Variants in TNFRSF21 observed in about 807,000 individuals in gnomAD.
The protein encoded by TNFRSF21 is tumor necrosis factor receptor superfamily member 21.
TNFRSF21 carries 19 observed loss-of-function variants against 45.6 expected under a neutral mutation model. The ratio of observed to expected loss-of-function variants is 0.42; its 90% CI spans 0.29 to 0.61. The LOEUF (loss-of-function observed/expected upper bound fraction) is 0.61. Among genes scored for constraint, TNFRSF21 ranks in the 20% least tolerant of loss-of-function variants. TNFRSF21 has a pLI of 0.23. For missense variants in TNFRSF21, 737 were observed against 851.5 expected (o/e 0.87, Z 1.67); for synonymous variants, 314 against 335.5 (o/e 0.94, Z 0.70).
chr6:47,287,193 G>A (rs999464231), intron 1 of TNFRSF21, among the ~76,000 whole-genome samples: 2 of 150,764 alleles, frequency 1.3e-5, no homozygotes, highest in Non-Finnish European at 2.9e-5. Context: ...TGTAATCCCA[G>A]CTACTCAGGA....
chr6:47,273,260 C>A (rs1242635007), intron 3 of TNFRSF21, among the ~76,000 whole-genome samples: 3 of 152,124 alleles, frequency 2.0e-5, no homozygotes, highest in Non-Finnish European at 4.4e-5. Flanking sequence ...ATGGGAAAAT[C>A]CTCAATAAAA....
At chr6:47,258,102 C>T (rs1313501236) in intron 3 of TNFRSF21, among the ~76,000 whole-genome samples, 2 of 152,074 alleles carry the variant, frequency 1.3e-5, no homozygotes, top group African/African-American at 2.4e-5. Context: ...ATGGGCTGGA[C>T]GGGTGGCTTA....
chr6:47,307,289 T>TC lies in TNFRSF21; in HGVS notation c.96+2126dup, dbSNP rs1399256634. Reference sequence around the variant, plus strand: ...CTCCTAAGCCCCATTATAAATTTTATCTTTTTCAAAGTAGCCAAACTTAAA... The same window carrying TC: ...CTCCTAAGCCCCATTATAAATTTTATCCTTTTTCAAAGTAGCCAAACTTAAA... On this transcript the variant is annotated intron_variant, in intron 1 of 5. Coordinates refer to ENST00000296861, the MANE Select transcript of TNFRSF21 (RefSeq NM_014452.5). Among the ~76,000 whole-genome samples the TC allele has an allele frequency of 6.6e-5, 10 of 152,338 alleles. No homozygotes were observed. In the East Asian group the frequency reaches 7.7e-4, roughly 12 times the overall value.
Position 47,285,968 on chromosome 6 carries a change from G to A in TNFRSF21, c.724C>T (p.Pro242Ser). The change falls in exon 2 of 6, where the codon CCT becomes TCT. Residue 242 changes from proline (P) to serine (S), a missense_variant. By Grantham distance (74) the Pro-to-Ser change is moderately conservative. Transcript: ENST00000296861. ...RPEHMETHEV[P>S]SSTYVPKGMN... ...CCTTTGGGAACATAAGTGGAGGAAG[G>A]GACTTCATGGGTTTCCATGTGCTCA... 3.1e-6 allele frequency: 5 copies of A among 1,614,154 alleles called. No individual in the cohort carries two copies. Among genetic ancestry groups the A allele is most frequent in the African/African-American group, 1.3e-5 (1 of 75,046 alleles).
chr6:47,233,125 T>C, intron 5 of TNFRSF21, 131 bp from the exon 6 acceptor site: 4 of 756,180 alleles, frequency 5.3e-6, no homozygotes, highest in Non-Finnish European at 8.5e-6. Context: ...CATCCTCCAT[T>C]ACAGTGAGAG....
intron 3 of TNFRSF21, among the ~76,000 whole-genome samples, chr6:47,262,393 T>G (rs1423694843): frequency 6.6e-6 from 1 of 152,234 alleles, no homozygotes; most frequent in African/African-American, 2.4e-5. Flanking sequence ...AACTTATTCA[T>G]TCAACAAAAA....
In TNFRSF21 at chr6:47,232,955, G is replaced by A; in HGVS notation, c.1778C>T (p.Pro593Leu). ...ATCAAAGATAGGCTGCAAGTCACAG[G>A]GGTCCAGGCGTACCTGCCGCAACAC... Reference protein sequence around the residue: ...DTVLRQVRLDPCDLQPIFDDM... With the variant: ...DTVLRQVRLDLCDLQPIFDDM... Residue 593 changes from proline to leucine, a missense_variant, in exon 6 of 6, where the codon CCC (proline) becomes CTC (leucine). Coordinates refer to ENST00000296861, the MANE Select transcript of TNFRSF21 (RefSeq NM_014452.5). 1 of 1,614,160 alleles carries A rather than the reference G, an allele frequency of 6.2e-7. No individual in the cohort carries two copies. Among genetic ancestry groups the A allele is most frequent in the Non-Finnish European group, 8.5e-7 (1 of 1,180,028 alleles).
chr6:47,255,521 G>A (rs1764973119), intron 3 of TNFRSF21, among the ~76,000 whole-genome samples: 1 of 151,926 alleles, frequency 6.6e-6, no homozygotes, highest in Admixed American at 6.6e-5. Context: ...GAGTGCAATG[G>A]TGCCATCTCG....
chr6:47,263,563 A>G (rs1762274082), intron 3 of TNFRSF21, among the ~76,000 whole-genome samples: 3 of 152,128 alleles, frequency 2.0e-5, no homozygotes, highest in Admixed American at 6.5e-5. Flanking sequence ...GAGGAGGAAA[A>G]CCAGGACAAT....
intron 5 of TNFRSF21, 106 bp from the exon 6 acceptor site, chr6:47,233,100 C>A (rs779918349): frequency 1.8e-5 from 17 of 960,212 alleles, no homozygotes; most frequent in Middle Eastern, 3.2e-4. Flanking sequence ...ATGTCCCCCC[C>A]AGCCTATTAT....
chr6:47,280,573 T>C (rs1242848188), intron 3 of TNFRSF21, among the ~76,000 whole-genome samples: 9 of 152,240 alleles, frequency 5.9e-5, no homozygotes, highest in African/African-American at 2.2e-4. Context: ...ATGAAACTAC[T>C]GTAATTTAGT....
In TNFRSF21 at chr6:47,284,116, C is replaced by T. The variant is rs1403499918; in HGVS notation, c.1065G>A (p.Val355=). 6.2e-7 allele frequency: 1 copy of T among 1,614,190 alleles called. No individual in the cohort carries two copies. The highest frequency in any genetic ancestry group is 1.1e-5 in the South Asian group (1 of 91,086). ...DINEHLPWMI[V]LFLLLVLVVI... ...CCACAAGCACCAGCAGCAGGAAAAG[C>T]ACAATCATCCAGGGCAAATGCTCAT... Residue 355 remains valine, a synonymous_variant, in exon 3 of 6, where the codon GTG becomes GTA. Coordinates refer to ENST00000296861, the MANE Select transcript of TNFRSF21 (RefSeq NM_014452.5).
At chr6:47,308,641 T>C (rs957541948) in intron 1 of TNFRSF21, among the ~76,000 whole-genome samples, 2 of 152,130 alleles carry the variant, frequency 1.3e-5, no homozygotes, top group African/African-American at 4.8e-5. Context: ...TAGCCACAGG[T>C]AAACGAGGGA....
chr6:47,274,781 C>T (rs1031468701), intron 3 of TNFRSF21, among the ~76,000 whole-genome samples: 3 of 151,974 alleles, frequency 2.0e-5, no homozygotes, highest in African/African-American at 7.3e-5. Context: ...AGAACTGAAA[C>T]AAATTTACAA....
intron 4 of TNFRSF21, among the ~76,000 whole-genome samples, chr6:47,237,868 G>A (rs1764682193): frequency 6.6e-6 from 1 of 152,070 alleles, no homozygotes; most frequent in Admixed American, 6.5e-5. Flanking sequence ...TGGGCAACAT[G>A]GTGAAACCCT....
chr6:47,282,763 T>C (rs1291220538), intron 3 of TNFRSF21, among the ~76,000 whole-genome samples: 1 of 152,212 alleles, frequency 6.6e-6, no homozygotes, highest in Non-Finnish European at 1.5e-5. Context: ...TTTTTTCCTT[T>C]AACCTAGTAT....
intron 4 of TNFRSF21, among the ~76,000 whole-genome samples, chr6:47,245,458 TTG>T (rs770568672): frequency 7.4e-4 from 80 of 107,512 alleles, no homozygotes; most frequent in Non-Finnish European, 9.2e-4. Context: ...GTGTGTGTGT[TTG>T]TGTGTGTGTG....
intron 4 of TNFRSF21, among the ~76,000 whole-genome samples, chr6:47,250,514 T>C (rs544875480): frequency 6.6e-6 from 1 of 152,314 alleles, no homozygotes; most frequent in African/African-American, 2.4e-5. Flanking sequence ...CGGCTGTTCT[T>C]GACAGAGGCA....
At chr6:47,250,581 G>A (rs1156583931) in intron 4 of TNFRSF21, among the ~76,000 whole-genome samples, 1 of 152,142 alleles carries the variant, frequency 6.6e-6, no homozygotes, top group African/African-American at 2.4e-5. Context: ...GGCACTTTCA[G>A]GCTTATGAAG....
Sources: gnomAD v4.1 joint callset for allele counts (sites outside exome capture counted in the v4.1 genomes callset) on GRCh38, gnomAD v4.1.1 for gene constraint, MANE v1.5 for transcripts, NCBI Gene and HGNC (gene_info 2026-07-23, HGNC 2026-07-21) for gene names.